The following TBL1X variants were observed in gnomAD, a reference collection of about 807,000 sequenced individuals.
TBL1X encodes the protein F-box-like/WD repeat-containing protein TBL1X.
A neutral mutation model predicts 50.7 loss-of-function variants in TBL1X; 10 were observed. That is an observed-to-expected ratio of 0.20 (90% CI 0.12 to 0.33). The LOEUF is 0.33. Ranked by LOEUF, TBL1X falls within the 10% of genes least tolerant of loss-of-function variation. TBL1X has a pLI of 1.00. For missense variants in TBL1X, 340 were observed against 504.4 expected, an observed-to-expected ratio of 0.67 and a Z score of 3.12; for synonymous variants, 190 against 214.7, an observed-to-expected ratio of 0.88 and a Z score of 1.01.
At chrX:9,562,446 A>T (rs1175005575) in intron 2 of TBL1X, among the ~76,000 whole-genome samples, 1 of 111,998 alleles carries the variant, frequency 8.9e-6, no homozygotes, top group African/African-American at 3.2e-5. Context: ...TGATTTTGCC[A>T]GTTGTACAAG....
chrX:9,557,082 T>C (rs2082304455), intron 2 of TBL1X, among the ~76,000 whole-genome samples: 1 of 112,071 alleles, frequency 8.9e-6, no homozygotes, highest in Non-Finnish European at 1.9e-5. Flanking sequence ...CTTAAGTTGT[T>C]CATGGTTTCT....
intron 5 of TBL1X, among the ~76,000 whole-genome samples, chrX:9,671,787 C>T (rs1418411620): frequency 8.9e-6 from 1 of 112,392 alleles, no homozygotes; most frequent in African/African-American, 3.2e-5. Flanking sequence ...TACCAACCCT[C>T]TCATAACTGT....
intron 1 of TBL1X, among the ~76,000 whole-genome samples, chrX:9,489,142 T>C (rs1018966344): frequency 4.5e-5 from 5 of 110,802 alleles, no homozygotes; most frequent in Admixed American, 9.7e-5. Context: ...GAGCTACTTT[T>C]CTGGACTTGG....
chrX:9,567,146 A>G (rs1395591820), intron 2 of TBL1X, among the ~76,000 whole-genome samples: 1 of 111,738 alleles, frequency 8.9e-6, no homozygotes, highest in Non-Finnish European at 1.9e-5. Flanking sequence ...ATCCTCTGCC[A>G]GGGGCGTGTA....
At chrX:9,689,007 C>T (rs188414878) in intron 7 of TBL1X, among the ~76,000 whole-genome samples, 54 of 110,632 alleles carry the variant, frequency 4.9e-4, no homozygotes, top group African/African-American at 1.7e-3. Context: ...CATGCGTGTG[C>T]GTGTATGTGT....
At chrX:9,698,698 C>G (rs2083148950) in intron 12 of TBL1X, among the ~76,000 whole-genome samples, 1 of 112,008 alleles carries the variant, frequency 8.9e-6, no homozygotes, top group African/African-American at 3.2e-5. Flanking sequence ...GCAGAGTGAG[C>G]CGCTTGCGTC....
intron 2 of TBL1X, among the ~76,000 whole-genome samples, chrX:9,615,321 A>T (rs750422408): frequency 1.5e-4 from 17 of 111,822 alleles, no homozygotes; most frequent in Non-Finnish European, 2.4e-4. Context: ...ATGATGGGGA[A>T]CCTCAGCATT....
chrX:9,691,448 A>T (rs1311777556), intron 7 of TBL1X, 131 bp from the exon 8 acceptor site: 10 of 706,874 alleles, frequency 1.4e-5, no homozygotes, highest in Non-Finnish European at 1.9e-5. Flanking sequence ...AAAAAAAAAA[A>T]AAAAAAGAAA....
intron 2 of TBL1X, among the ~76,000 whole-genome samples, chrX:9,534,045 CGAG>C (rs1274090208): frequency 9.0e-6 from 1 of 111,315 alleles, no homozygotes; most frequent in African/African-American, 3.3e-5. Flanking sequence ...GGGAGGCAGG[CGAG>C]GAGAAGGGTT....
intron 2 of TBL1X, among the ~76,000 whole-genome samples, chrX:9,519,956 G>T (rs917128656): frequency 1.8e-5 from 2 of 112,646 alleles, no homozygotes; most frequent in Admixed American, 1.9e-4. Flanking sequence ...TAACTTTGAG[G>T]AGATGGGCAT....
At chrX:9,536,722 A>G (rs2082189679) in intron 2 of TBL1X, among the ~76,000 whole-genome samples, 1 of 111,717 alleles carries the variant, frequency 9.0e-6, no homozygotes, top group Admixed American at 9.5e-5. Flanking sequence ...ATAAGACTAG[A>G]CGCATGTTAC....
chrX:9,626,461 A>C (rs1015456347), intron 2 of TBL1X, among the ~76,000 whole-genome samples: 2 of 112,340 alleles, frequency 1.8e-5, no homozygotes, highest in Non-Finnish European at 3.8e-5. Context: ...CACTCCATGC[A>C]GTGTACTGTC....
intron 3 of TBL1X, among the ~76,000 whole-genome samples, chrX:9,647,327 C>T (rs765913072): frequency 4.4e-5 from 5 of 112,376 alleles, no homozygotes; most frequent in African/African-American, 1.6e-4. Context: ...AGCCCATGCT[C>T]GTTTGTTCTT....
At chrX:9,711,833 G>C in intron 16 of TBL1X, 57 bp downstream of exon 16, 1 of 1,125,876 alleles carries the variant, frequency 8.9e-7, no homozygotes, top group Non-Finnish European at 1.2e-6. Flanking sequence ...AAATAGCCAC[G>C]ACTCCAGTGC....
chrX:9,685,277 C>G (rs2083050632), intron 6 of TBL1X, among the ~76,000 whole-genome samples: 1 of 111,831 alleles, frequency 8.9e-6, no homozygotes, highest in Non-Finnish European at 1.9e-5. Flanking sequence ...ACCTTTCTTG[C>G]CGCCTTCACC....
chrX:9,609,074 C>G (rs1441062057), intron 2 of TBL1X, among the ~76,000 whole-genome samples: 1 of 111,945 alleles, frequency 8.9e-6, no homozygotes, highest in Non-Finnish European at 1.9e-5. Flanking sequence ...ACACATCACA[C>G]TGCATAAGGA....
At chrX:9,611,773 T>G (rs1311592270) in intron 2 of TBL1X, among the ~76,000 whole-genome samples, 1 of 112,228 alleles carries the variant, frequency 8.9e-6, no homozygotes, top group Non-Finnish European at 1.9e-5. Context: ...CACCATTGCC[T>G]GTGTCTTTCG....
chrX:9,488,929 T>C (rs186920804), intron 1 of TBL1X, among the ~76,000 whole-genome samples: 2 of 111,102 alleles, frequency 1.8e-5, no homozygotes, highest in Admixed American at 1.9e-4. Context: ...CAAGCGATCC[T>C]CCCTCCTTGG....
intron 8 of TBL1X, 116 bp from the exon 9 acceptor site, chrX:9,691,997 T>C (rs1044498065): frequency 5.2e-5 from 57 of 1,100,581 alleles, no homozygotes; most frequent in Non-Finnish European, 6.6e-5. Flanking sequence ...TCCAGAGGGA[T>C]GAAAAAGACA....
Sources: allele counts gnomAD v4.1 joint callset (sites outside exome capture counted in the v4.1 genomes callset), GRCh38; gene constraint gnomAD v4.1.1; transcripts MANE v1.5; gene names NCBI Gene and HGNC (gene_info 2026-07-23, HGNC 2026-07-21).